Variants in ZNF469 observed in about 807,000 individuals in gnomAD.
ZNF469 encodes zinc finger protein 469.
A neutral mutation model predicts 1.0 loss-of-function variants in ZNF469; 1 was observed. The ratio of observed to expected loss-of-function variants is 1.00; its 90% confidence interval spans 0.35 to 4.73. The LOEUF (loss-of-function observed/expected upper bound fraction) is 4.73, where lower values mean the gene tolerates loss of function less well. ZNF469 is among the 30% of genes most tolerant of loss of function. The probability of loss-of-function intolerance (pLI) is 0.16; values close to 1 mark genes in which losing one functional copy is unlikely to be tolerated. For missense variants in ZNF469, 6,100 were observed against 5,356.3 expected (o/e 1.14, Z -4.33); for synonymous variants, 2,703 against 2,363.4 (o/e 1.14, Z -4.17).
chr16:88,202,892 T>C, the ZNF469 span, among the ~76,000 whole-genome samples: 4 of 152,062 alleles, frequency 2.6e-5, no homozygotes, highest in East Asian at 7.7e-4. Context: ...CGTGGTGGCC[T>C]TGAGGGCTGG....
At chr16:88,135,748 G>GTTTTTTT in the ZNF469 span, among the ~76,000 whole-genome samples, 2 of 66,904 alleles carry the variant, frequency 3.0e-5, no homozygotes, top group Non-Finnish European at 6.0e-5. Flanking sequence ...AGCTGGCCAT[G>GTTTTTTT]TTTTTTTTTT....
chr16:88,369,093 C>G, the ZNF469 span, among the ~76,000 whole-genome samples: 1 of 147,252 alleles, frequency 6.8e-6, no homozygotes, highest in Non-Finnish European at 1.5e-5. Flanking sequence ...AAAAAAAAAG[C>G]CCTGGGCGGC....
chr16:88,411,617 G>A (rs1465169133), intron 1 of ZNF469, among the ~76,000 whole-genome samples: 1 of 152,100 alleles, frequency 6.6e-6, no homozygotes, highest in Non-Finnish European at 1.5e-5. Context: ...GGGAGAACGG[G>A]GTGTAGGGAG....
At chr16:88,314,369 G>A in the ZNF469 span, among the ~76,000 whole-genome samples, 1 of 144,484 alleles carries the variant, frequency 6.9e-6, no homozygotes, top group South Asian at 2.4e-4. Context: ...CTGTAATTAA[G>A]ATGATGCTGG....
the ZNF469 span, among the ~76,000 whole-genome samples, chr16:88,205,024 G>A: frequency 4.6e-5 from 7 of 152,152 alleles, no homozygotes; most frequent in Admixed American, 2.0e-4. This position sits in a 1 kb window ranked among gnomAD's most constrained non-coding sequence, Gnocchi z 4.2. Context: ...GGGCAGCGCC[G>A]AGGGAGCAGA....
chr16:88,202,930 G>A, the ZNF469 span, among the ~76,000 whole-genome samples: 12 of 152,194 alleles, frequency 7.9e-5, no homozygotes, highest in African/African-American at 2.9e-4. Context: ...TGAGCCGGGT[G>A]CCGCAGCCGA....
upstream of ZNF469, among the ~76,000 whole-genome samples, chr16:88,380,128 CACACAG>C (rs1275233322): frequency 2.7e-5 from 3 of 110,578 alleles, no homozygotes; most frequent in Non-Finnish European, 4.8e-5. Flanking sequence ...CACAAACACA[CACACAG>C]ACACACACTC....
At chr16:88,369,467 C>T in the ZNF469 span, among the ~76,000 whole-genome samples, 1 of 152,184 alleles carries the variant, frequency 6.6e-6, no homozygotes, top group Non-Finnish European at 1.5e-5. Context: ...CAGGGGGCAC[C>T]CAAGCCACAT....
At chr16:88,135,218 A>G in the ZNF469 span, among the ~76,000 whole-genome samples, 1 of 152,024 alleles carries the variant, frequency 6.6e-6, no homozygotes, top group African/African-American at 2.4e-5. Flanking sequence ...CAGTGTCCTC[A>G]TTTCTCCCCT....
At chr16:88,317,136 T>C in the ZNF469 span, among the ~76,000 whole-genome samples, 3 of 152,126 alleles carry the variant, frequency 2.0e-5, no homozygotes, top group Admixed American at 6.5e-5. Flanking sequence ...TTTGATGGAA[T>C]CCAACTGATC....
the ZNF469 span, among the ~76,000 whole-genome samples, chr16:88,374,698 AGTGGGCTGAGCTCAGCACCATGTGCG>A: frequency 8.3e-6 from 1 of 120,152 alleles, no homozygotes; most frequent in Non-Finnish European, 1.8e-5. Context: ...CTGCGTGTGC[AGTGGGCTGAGCTCAGCACCATGTGCG>A]GTGGGCTGAG....
the ZNF469 span, among the ~76,000 whole-genome samples, chr16:88,132,211 CG>C: frequency 4.6e-5 from 7 of 152,352 alleles, no homozygotes; most frequent in African/African-American, 1.7e-4. Flanking sequence ...CTACCCAGGA[CG>C]GGGAGGTTGC....
the ZNF469 span, among the ~76,000 whole-genome samples, chr16:88,186,591 A>G: frequency 6.6e-6 from 1 of 152,134 alleles, no homozygotes; most frequent in African/African-American, 2.4e-5. Context: ...GGCCGAACAC[A>G]GCACCGAGAC....
At chr16:88,395,430 T>C (rs1361020523) in intron 1 of ZNF469, among the ~76,000 whole-genome samples, 1 of 152,090 alleles carries the variant, frequency 6.6e-6, no homozygotes. Context: ...TATACAGATA[T>C]TGTGTGTATA....
intron 1 of ZNF469, among the ~76,000 whole-genome samples, chr16:88,394,385 T>C (rs765785116): frequency 3.3e-5 from 5 of 152,180 alleles, no homozygotes; most frequent in African/African-American, 4.8e-5. Context: ...AGAGGTGAAA[T>C]GAACTTTAAT....
chr16:88,284,207 C>G, the ZNF469 span, among the ~76,000 whole-genome samples: 49 of 152,240 alleles, frequency 3.2e-4, no homozygotes, highest in African/African-American at 1.1e-3. Flanking sequence ...CTGGTAGACC[C>G]TGAGTGCCCA....
At chr16:88,144,427 G>A in the ZNF469 span, among the ~76,000 whole-genome samples, 1 of 152,222 alleles carries the variant, frequency 6.6e-6, no homozygotes, top group African/African-American at 2.4e-5. Context: ...TGTGATTAAC[G>A]CCAGCTGCCT....
chr16:88,249,389 C>A, the ZNF469 span, among the ~76,000 whole-genome samples: 1 of 144,936 alleles, frequency 6.9e-6, no homozygotes, highest in Non-Finnish European at 1.5e-5. Context: ...ACCACAACTG[C>A]CATTTTTTTT....
chr16:88,262,426 T>C, the ZNF469 span, among the ~76,000 whole-genome samples: 8 of 152,262 alleles, frequency 5.3e-5, no homozygotes, highest in South Asian at 1.5e-3. The surrounding 1 kb of genome is among the most constrained non-coding windows in gnomAD (Gnocchi z 4.3). Flanking sequence ...GTGGCTGGGC[T>C]TTGGTGGATG....
Sources: allele counts gnomAD v4.1 joint callset (sites outside exome capture counted in the v4.1 genomes callset), GRCh38; gene constraint gnomAD v4.1.1; non-coding constraint Gnocchi (gnomAD v3.1); transcripts MANE v1.5; gene names NCBI Gene and HGNC (gene_info 2026-07-23, HGNC 2026-07-21).